The following MAN1A2 variants were observed in gnomAD, a reference collection of about 807,000 sequenced individuals.
MAN1A2 encodes mannosyl-oligosaccharide 1,2-alpha-mannosidase IB.
In MAN1A2, 26 loss-of-function variants were observed where a neutral mutation model predicts 75.7. The ratio of observed to expected loss-of-function variants is 0.34; its 90% CI spans 0.25 to 0.48. The LOEUF (loss-of-function observed/expected upper bound fraction) is 0.48. Ranked by LOEUF, MAN1A2 falls within the 20% of genes least tolerant of loss-of-function variation. The probability of loss-of-function intolerance (pLI) is 0.99; values close to 1 mark genes in which losing one functional copy is unlikely to be tolerated. For synonymous variants in MAN1A2, 247 were observed against 264.6 expected, an observed-to-expected ratio of 0.93 and a Z score of 0.65; for missense variants, 562 against 775.5, an observed-to-expected ratio of 0.72 and a Z score of 3.27.
chr1:117,483,335 G>A (rs1161050344), intron 8 of MAN1A2, among the ~76,000 whole-genome samples: 1 of 152,068 alleles, frequency 6.6e-6, no homozygotes, highest in South Asian at 2.1e-4. Context: ...TGGGCAATAT[G>A]GCCATTTTCA....
At chr1:117,429,380 C>T (rs1434279970) in intron 5 of MAN1A2, among the ~76,000 whole-genome samples, 32 of 135,596 alleles carry the variant, frequency 2.4e-4, no homozygotes, top group African/African-American at 6.3e-4. Context: ...TAGGGGCGGC[C>T]GGGCAGAGGC....
At chr1:117,515,904 A>G (rs1196007991) in intron 12 of MAN1A2, 1 of 152,124 alleles carries the variant, frequency 6.6e-6, no homozygotes, top group African/African-American at 2.4e-5. Context: ...AATGGTGAAG[A>G]TGGTAAACTT....
chr1:117,459,404 C>A (rs763109974), intron 6 of MAN1A2, among the ~76,000 whole-genome samples: 1 of 152,046 alleles, frequency 6.6e-6, no homozygotes, highest in Non-Finnish European at 1.5e-5. Context: ...CAGCCACATG[C>A]TAGTGGGGAA....
chr1:117,393,486 T>TTGTG (rs1036203445), intron 1 of MAN1A2, among the ~76,000 whole-genome samples: 2 of 151,356 alleles, frequency 1.3e-5, no homozygotes, highest in African/African-American at 2.4e-5. Context: ...ATTTTTTTTT[T>TTGTG]TGTGTGTGTG....
Position 117,526,039 on chromosome 1 carries a change from A to T in MAN1A2, c.*3082A>T, listed in dbSNP as rs1472324383. On this transcript the variant is annotated 3_prime_UTR_variant, in exon 13 of 13. Coordinates refer to ENST00000356554, the MANE Select transcript of MAN1A2 (RefSeq NM_006699.5). Reference sequence around the variant, plus strand: ...TATACTTGCTAGATTTTAACCAAGCAGTTTGAAATATTAATCATCATCCTC... The same window carrying T: ...TATACTTGCTAGATTTTAACCAAGCTGTTTGAAATATTAATCATCATCCTC... The T allele has an allele frequency of 6.6e-6, 1 of 151,822 alleles. No individual in the cohort carries two copies. The highest frequency in any genetic ancestry group is 1.5e-5 in the Non-Finnish European group (1 of 67,806). The allele number at this position is 151,822 out of a possible 1,614,324, so 9.4% of individuals were successfully genotyped here. A position where few individuals can be genotyped will look rare whatever the true frequency, so the allele number is the denominator to read the frequency against.
At chr1:117,476,188 C>T (rs1212309653) in intron 8 of MAN1A2, among the ~76,000 whole-genome samples, 1 of 152,100 alleles carries the variant, frequency 6.6e-6, no homozygotes, top group Non-Finnish European at 1.5e-5. Flanking sequence ...TGTTCATATC[C>T]TTCGTCCACT....
At chr1:117,478,600 A>G (rs1297235275) in intron 8 of MAN1A2, among the ~76,000 whole-genome samples, 4 of 151,950 alleles carry the variant, frequency 2.6e-5, no homozygotes, top group Non-Finnish European at 5.9e-5. Flanking sequence ...TGATTTTTCT[A>G]TAGGGATCAA....
At chr1:117,496,004 G>A (rs1651027237) in intron 9 of MAN1A2, among the ~76,000 whole-genome samples, 1 of 151,910 alleles carries the variant, frequency 6.6e-6, no homozygotes, top group Non-Finnish European at 1.5e-5. Flanking sequence ...TACAGGTGAT[G>A]AGTAAGACAT....
chr1:117,443,830 G>A (rs756148225), intron 6 of MAN1A2, among the ~76,000 whole-genome samples: 4 of 151,830 alleles, frequency 2.6e-5, no homozygotes, highest in Non-Finnish European at 4.4e-5. Context: ...GGCGGATCTC[G>A]AATTCCTAGG....
chr1:117,370,257 G>A (rs1192810575), intron 1 of MAN1A2, among the ~76,000 whole-genome samples: 1 of 152,182 alleles, frequency 6.6e-6, no homozygotes, highest in African/African-American at 2.4e-5. Context: ...TGTTCTGATA[G>A]CAGGGGTGGT....
At chr1:117,498,139 T>C (rs1416557999) in intron 10 of MAN1A2, among the ~76,000 whole-genome samples, 2 of 151,860 alleles carry the variant, frequency 1.3e-5, no homozygotes, top group African/African-American at 4.8e-5. Flanking sequence ...TAAGTGTTGT[T>C]GTATAATACA....
chr1:117,377,945 A>C (rs949304901), intron 1 of MAN1A2, among the ~76,000 whole-genome samples: 1 of 151,744 alleles, frequency 6.6e-6, no homozygotes, highest in African/African-American at 2.4e-5. Context: ...CTAAAAATAC[A>C]AAAAAAATTA....
rs544695299 is a variant in MAN1A2 at position 117,522,577 on chromosome 1, G to A, written c.1794-248G>A. Among the ~76,000 whole-genome samples, 3 of 151,836 alleles carry A rather than the reference G, an allele frequency of 2.0e-5. No individual in the cohort carries two copies. In the East Asian group the frequency reaches 5.8e-4, roughly 29 times the overall value. On this transcript the variant is annotated intron_variant, in intron 12 of 12. Transcript: ENST00000356554. Reference sequence around the variant, plus strand: ...TCTGCTCTCTTCACCACACCTGGCCGGATTTTTTTTTAAACTGTTTTATTT... The same window carrying A: ...TCTGCTCTCTTCACCACACCTGGCCAGATTTTTTTTTAAACTGTTTTATTT...
At chr1:117,407,041 AG>A (rs1236750289) in intron 3 of MAN1A2, among the ~76,000 whole-genome samples, 3 of 152,118 alleles carry the variant, frequency 2.0e-5, no homozygotes, top group Non-Finnish European at 4.4e-5. Context: ...TAAACTTTAA[AG>A]GTAGAAGAAA....
At chr1:117,456,800 TCATC>T (rs1213533201) in intron 6 of MAN1A2, among the ~76,000 whole-genome samples, 1 of 152,080 alleles carries the variant, frequency 6.6e-6, no homozygotes, top group Non-Finnish European at 1.5e-5. Context: ...TTTTAAATAA[TCATC>T]CAGTTTAGAT....
intron 3 of MAN1A2, among the ~76,000 whole-genome samples, chr1:117,408,618 T>C (rs1647698622): frequency 6.6e-6 from 1 of 152,176 alleles, no homozygotes; most frequent in Admixed American, 6.5e-5. Flanking sequence ...GTATTATCTT[T>C]GTCTTGTTTT....
At chr1:117,398,728 A>C (rs1647299774) in intron 1 of MAN1A2, among the ~76,000 whole-genome samples, 1 of 152,060 alleles carries the variant, frequency 6.6e-6, no homozygotes, top group South Asian at 2.1e-4. Flanking sequence ...AGAGAGCTAG[A>C]GGAGTATGTA....
intron 1 of MAN1A2, among the ~76,000 whole-genome samples, chr1:117,399,317 C>T (rs541573223): frequency 3.3e-5 from 5 of 152,216 alleles, no homozygotes; most frequent in Middle Eastern, 3.4e-3. Flanking sequence ...ATTCCACATG[C>T]CATTTAGCAA....
At chr1:117,400,327 T>C (rs1647380468) in intron 1 of MAN1A2, among the ~76,000 whole-genome samples, 1 of 151,674 alleles carries the variant, frequency 6.6e-6, no homozygotes, top group Non-Finnish European at 1.5e-5. Context: ...TAATAACTCT[T>C]TTTTTTTCTC....
Sources: allele counts gnomAD v4.1 joint callset (sites outside exome capture counted in the v4.1 genomes callset), GRCh38; gene constraint gnomAD v4.1.1; transcripts MANE v1.5; gene names NCBI Gene and HGNC (gene_info 2026-07-23, HGNC 2026-07-21).